Variants in AGRN observed in about 807,000 individuals in gnomAD.
The protein encoded by AGRN is agrin, also known as agrin proteoglycan.
In AGRN, 106 loss-of-function variants were observed where a neutral mutation model predicts 211.0. That is an observed-to-expected ratio of 0.50 (90% confidence interval 0.43 to 0.59). AGRN has a LOEUF of 0.59. AGRN is among the 20% of genes least tolerant of loss of function. AGRN has a pLI of 0.00. For synonymous variants in AGRN, 1,525 were observed against 1,332.5 expected (o/e 1.14, Z -3.15); for missense variants, 3,040 against 2,982.6 (o/e 1.02, Z -0.45).
In AGRN at chr1:1,032,476, G is replaced by T. The variant is rs1169032580; in HGVS notation, c.464-2801G>T. 6.6e-6 allele frequency among the ~76,000 whole-genome samples: 1 copy of T among 152,184 alleles called. No homozygotes were observed. The highest frequency in any genetic ancestry group is 2.4e-5 in the African/African-American group (1 of 41,434). On this transcript the variant is annotated intron_variant, in intron 2 of 35. Coordinates refer to ENST00000379370, the MANE Select transcript of AGRN (RefSeq NM_198576.4). This position sits in a 1 kb window ranked among gnomAD's most constrained non-coding sequence, Gnocchi z 4.7. The stretch of plus-strand genomic sequence containing the variant: ...GGAGGCGTTGGGGAGAGTCCAGATG[G>T]AGGCCATGGGGTTGAGGGGCCCAGA...
chr1:1,024,906 C>T (rs1054373241), intron 2 of AGRN, among the ~76,000 whole-genome samples: 5 of 152,346 alleles, frequency 3.3e-5, no homozygotes, highest in African/African-American at 1.2e-4. Context: ...GACCCCCGCC[C>T]CTGCTTTGTC....
intron 2 of AGRN, among the ~76,000 whole-genome samples, chr1:1,025,137 A>C (rs539703576): frequency 6.6e-6 from 1 of 152,244 alleles, no homozygotes; most frequent in South Asian, 2.1e-4. Flanking sequence ...GCTAGGAGCC[A>C]GGAGCAGAGA....
intron 2 of AGRN, among the ~76,000 whole-genome samples, chr1:1,033,618 C>T (rs1244311376): frequency 2.1e-5 from 3 of 145,460 alleles, no homozygotes; most frequent in African/African-American, 5.1e-5. Flanking sequence ...CCCGCAGCCT[C>T]AGTCCCACCC....
At position 1,048,461 on chromosome 1, in the gene AGRN, G is replaced by A; in HGVS notation, c.4105+96G>A. 1 of 1,073,330 alleles carries A rather than the reference G, an allele frequency of 9.3e-7. No homozygotes were observed. The highest frequency in any genetic ancestry group is 1.3e-6 in the Non-Finnish European group (1 of 773,746). 66.5% of individuals were successfully genotyped at this position (1,073,330 alleles called of 1,614,324 possible). ...GCCACCATCAGGCTTTGAGTTGGGGGCAGGAGCCCGGATTAAGGCGGGGTT... is the reference window on the plus strand; with the variant it reads ...GCCACCATCAGGCTTTGAGTTGGGGACAGGAGCCCGGATTAAGGCGGGGTT... On this transcript the variant is annotated intron_variant, in intron 23 of 35. Coordinates refer to ENST00000379370, the MANE Select transcript of AGRN (RefSeq NM_198576.4). The surrounding 1 kb of genome is among the most constrained non-coding windows in gnomAD (Gnocchi z 5.9).
At position 1,043,733 on chromosome 1, in the gene AGRN, G is replaced by A; in HGVS notation, c.1798+1G>A. 2 of 1,601,420 alleles carry A rather than the reference G, an allele frequency of 1.2e-6. No homozygotes were observed. The highest frequency in any genetic ancestry group is 1.7e-6 in the Non-Finnish European group (2 of 1,179,764). On this transcript the variant is annotated splice_donor_variant, in intron 9 of 35. Transcript: ENST00000379370. LOFTEE classifies it high-confidence loss of function. The stretch of plus-strand genomic sequence containing the variant: ...CACGTGGCCTCAGCTGGACCCTGTG[G>A]TGAGTGAGGCCCTGGGGCCGGGCGG...
rs1169637121 is a variant in AGRN, at chr1:1,047,828, G to A, written c.3684G>A (p.Gln1228=). 2 of 1,604,384 alleles carry A rather than the reference G, an allele frequency of 1.2e-6. No individual in the cohort carries two copies. Among genetic ancestry groups the A allele is most frequent in the African/African-American group, 1.3e-5 (1 of 74,748 alleles). Reference sequence around the variant, plus strand: ...CCCGGGCCCTGCTCCGGCAGATCCAGGTGTCCAGGCGCCGGTCCTTGGGGG... The same window carrying A: ...CCCGGGCCCTGCTCCGGCAGATCCAAGTGTCCAGGCGCCGGTCCTTGGGGG... ...DVARALLRQI[Q]VSRRRSLGVR... Residue 1228 remains glutamine (Q), a synonymous_variant, in exon 22 of 36, where the codon CAG becomes CAA. Coordinates refer to ENST00000379370, the MANE Select transcript of AGRN (RefSeq NM_198576.4).
intron 3 of AGRN, 129 bp from the exon 4 acceptor site, chr1:1,040,536 G>T: frequency 8.8e-7 from 1 of 1,139,870 alleles, no homozygotes; most frequent in Non-Finnish European, 1.3e-6. Flanking sequence ...GTCCGTGTCC[G>T]TGGTGGACCC....
chr1:1,020,587 C>T (rs1490004770), intron 1 of AGRN, among the ~76,000 whole-genome samples: 2 of 152,192 alleles, frequency 1.3e-5, no homozygotes, highest in Non-Finnish European at 2.9e-5. Context: ...CCGCCCGCCG[C>T]CGCCTCCCTC....
chr1:1,030,421 G>A (rs1570156899), intron 2 of AGRN, among the ~76,000 whole-genome samples: 1 of 85,770 alleles, frequency 1.2e-5, no homozygotes. Flanking sequence ...AGATCAGCGT[G>A]TGTGTGTGTG....
At chr1:1,053,527 G>C (rs1486010580) in intron 33 of AGRN, 2 of 1,530,200 alleles carry the variant, frequency 1.3e-6, no homozygotes, top group Non-Finnish European at 1.8e-6. Flanking sequence ...GCAGACCCCT[G>C]GCTGGCCCAT....
In AGRN at chr1:1,043,896, G is replaced by A; in HGVS notation, c.1872G>A (p.Glu624=). 1.9e-6 allele frequency: 3 copies of A among 1,610,156 alleles called. No homozygotes were observed. Among genetic ancestry groups the A allele is most frequent in the Non-Finnish European group, 2.5e-6 (3 of 1,179,382 alleles). Residue 624 remains glutamate (E), a synonymous_variant, in exon 10 of 36, where the codon GAG becomes GAA. Coordinates refer to ENST00000379370, the MANE Select transcript of AGRN (RefSeq NM_198576.4). Reference sequence around the variant, plus strand: ...GGCAGTGTGTGTGTCCCCGGTGTGAGCACCCCCCGCCCGGCCCCGTGTGTG... The same window carrying A: ...GGCAGTGTGTGTGTCCCCGGTGTGAACACCCCCCGCCCGGCCCCGTGTGTG... ...SAGQCVCPRC[E]HPPPGPVCGS... is the part of the protein sequence containing the mutation.
Position 1,045,974 on chromosome 1 carries a change from G to A in AGRN, c.2691G>A (p.Ala897=), listed in dbSNP as rs760197095. The A allele has an allele frequency of 6.2e-6, 10 of 1,613,718 alleles. No individual in the cohort carries two copies. The East Asian group carries it at 8.9e-5, about 14-fold the overall frequency. ...GPAGCEADAS[A]PATCAEMRCE... is the part of the protein sequence containing the mutation. ...ATGCCCGTGCCCCAGACGCTTCTGC[G>A]CCTGCGACCTGTGCGGAGATGCGCT... is the stretch of plus-strand genomic sequence containing the variant. The change falls in exon 16 of 36, where the codon GCG becomes GCA. Residue 897 remains alanine, a synonymous_variant. Coordinates refer to ENST00000379370, the MANE Select transcript of AGRN (RefSeq NM_198576.4).
chr1:1,050,697 A>G, intron 29 of AGRN, 29 bp from the exon 30 acceptor site: 1 of 1,600,978 alleles, frequency 6.2e-7, no homozygotes, highest in South Asian at 1.1e-5. Context: ...TGGTGGACAG[A>G]GCCCACTCAC....
chr1:1,031,087 T>TTGTG lies in AGRN; in HGVS notation c.464-4177_464-4174dup, dbSNP rs200116641. Among the ~76,000 whole-genome samples, 31 of 64,512 alleles carry TTGTG rather than the reference T, an allele frequency of 4.8e-4. 2 individuals carry two copies. Among genetic ancestry groups the TTGTG allele is most frequent in the Middle Eastern group, 0.016 (1 of 62 alleles). 42.3% of individuals were successfully genotyped at this position (64,512 alleles called of 152,430 possible). On this transcript the variant is annotated intron_variant, in intron 2 of 35. Coordinates refer to ENST00000379370, the MANE Select transcript of AGRN (RefSeq NM_198576.4). This position sits in a 1 kb window ranked among gnomAD's most constrained non-coding sequence, Gnocchi z 4.8. ...GCAGTGCATGGTGCTGTGAGTGTGA[T>TTGTG]TGTGTGTGTGTGTGTGCGGTGCATG...
At chr1:1,024,070 C>T (rs1220013698) in intron 2 of AGRN, among the ~76,000 whole-genome samples, 1 of 152,012 alleles carries the variant, frequency 6.6e-6, no homozygotes, top group African/African-American at 2.4e-5. Flanking sequence ...GAGCCAGGGG[C>T]CAAGGGGAGC....
chr1:1,051,530 C>A lies in AGRN; in HGVS notation c.5448C>A (p.His1816Gln), dbSNP rs761094944. The change falls in exon 32 of 36, where the codon CAC becomes CAA. Residue 1816 changes from histidine (H) to glutamine (Q), a missense_variant. Physicochemically the swap from His to Gln is conservative, Grantham distance 24. Coordinates refer to ENST00000379370, the MANE Select transcript of AGRN (RefSeq NM_198576.4). ...TGGACGTCACGTCCTTTGCAGGTCA[C>A]CCCTGCACCCGGGCCTCAGGCCACC... The part of the protein sequence containing the change: ...RQVDVTSFAG[H>Q]PCTRASGHPC... 7 of 1,565,504 alleles carry A rather than the reference C, an allele frequency of 4.5e-6. No homozygotes were observed. Among genetic ancestry groups the A allele is most frequent in the Non-Finnish European group, 6.1e-6 (7 of 1,156,156 alleles).
chr1:1,028,613 G>C (rs878971789), intron 2 of AGRN, among the ~76,000 whole-genome samples: 12 of 98,626 alleles, frequency 1.2e-4, no homozygotes, highest in African/African-American at 2.9e-4. Flanking sequence ...GGCGCCCACA[G>C]CCACGCCACC....
In AGRN at chr1:1,045,820, C is replaced by T. The variant is rs746244359; in HGVS notation, c.2624C>T (p.Pro875Leu). The T allele has an allele frequency of 3.1e-6, 5 of 1,612,734 alleles. No individual in the cohort carries two copies. The South Asian group carries it at 5.5e-5, about 18-fold the overall frequency. Residue 875 changes from proline (P) to leucine (L), a missense_variant, in exon 15 of 36, where the codon CCC becomes CTC. Pro to Leu is a moderately conservative substitution (Grantham distance 98, BLOSUM62 -3). Around this residue, in one of 3 missense-constraint regions of AGRN, gnomAD observed 1,498 missense variants for 1,457.8 expected, o/e 1.03. Transcript: ENST00000379370. ...LCSCKPGVAGPKCGQCPDGRA... is the reference protein window; with the variant it reads ...LCSCKPGVAGLKCGQCPDGRA... ...TCGTGTAAGCCCGGGGTGGCTGGACCCAAGTGTGGGCAGTGTCCAGACGGC... is the reference window on the plus strand; with the variant it reads ...TCGTGTAAGCCCGGGGTGGCTGGACTCAAGTGTGGGCAGTGTCCAGACGGC...
rs1310963451 is a variant in AGRN, at chr1:1,022,316, A to G, written c.317A>G (p.Gln106Arg). 4 of 1,613,408 alleles carry G rather than the reference A, an allele frequency of 2.5e-6. No homozygotes were observed. Among genetic ancestry groups the G allele is most frequent in the Non-Finnish European group, 3.4e-6 (4 of 1,180,010 alleles). Residue 106 changes from glutamine (Q) to arginine (R), a missense_variant, in exon 2 of 36, where the codon CAG (glutamine) becomes CGG (arginine). Physicochemically the swap from Gln to Arg is conservative, Grantham distance 43. This residue lies in a region of AGRN where 1,498 missense variants were observed against 1,457.8 expected (regional missense o/e 1.03). Transcript: ENST00000379370. Reference protein sequence around the residue: ...GFGDPLICDNQVSTGDTRIFF... With the variant: ...GFGDPLICDNRVSTGDTRIFF... ...GGAGACCCCCTCATCTGTGACAACCAGGTGTCCACTGGGGACACCAGGATC... is the reference window on the plus strand; with the variant it reads ...GGAGACCCCCTCATCTGTGACAACCGGGTGTCCACTGGGGACACCAGGATC...
Sources: allele counts gnomAD v4.1 joint callset (sites outside exome capture counted in the v4.1 genomes callset), GRCh38; gene constraint gnomAD v4.1.1; regional missense constraint gnomAD v4.1.1; non-coding constraint Gnocchi (gnomAD v3.1); transcripts MANE v1.5; gene names NCBI Gene and HGNC (gene_info 2026-07-23, HGNC 2026-07-21).